The following MS4A4E variants were observed in gnomAD, a reference collection of about 807,000 sequenced individuals.
MS4A4E encodes membrane spanning 4-domains A4E.
Under a neutral mutation model 13.3 loss-of-function variants are expected in MS4A4E, and 23 were observed. The observed-to-expected ratio is 1.73, with a 90% CI of 1.25 to 2.45. The LOEUF is 2.45. Ranked by LOEUF, MS4A4E falls within the 30% of genes most tolerant of loss-of-function variation. MS4A4E has a pLI of 0.00. For missense variants in MS4A4E, 144 were observed against 131.2 expected, an observed-to-expected ratio of 1.10 and a Z score of -0.48; for synonymous variants, 36 against 45.6, an observed-to-expected ratio of 0.79 and a Z score of 0.85.
rs144129034 is a variant in MS4A4E at position 60,226,038 on chromosome 11, A to G, written c.178+2556T>C. On this transcript the variant is annotated intron_variant, in intron 3 of 8. Coordinates refer to ENST00000651255, the MANE Select transcript of MS4A4E (RefSeq NM_001393391.1). ...ACTCTACGAACAATTCTGTGCCCAC[A>G]ATTTGATAACCTTGAGCCAATGAAT... Among the ~76,000 whole-genome samples, 521 of 152,104 alleles carry G rather than the reference A, an allele frequency of 3.4e-3. 1 individual carries two copies. The highest frequency in any genetic ancestry group is 8.8e-3 in the Admixed American group (134 of 15,288).
Position 60,229,988 on chromosome 11 carries a change from T to C in MS4A4E, c.68A>G (p.Asn23Ser). Residue 23 changes from asparagine to serine, a missense_variant, in exon 2 of 9, where the codon AAC becomes AGC. By Grantham distance (46) the Asn-to-Ser change is conservative. Coordinates refer to ENST00000651255, the MANE Select transcript of MS4A4E (RefSeq NM_001393391.1). ...GAGPDVPQLGNIDVIHSYLCK... is the reference protein window; with the variant it reads ...GAGPDVPQLGSIDVIHSYLCK... The stretch of plus-strand genomic sequence containing the variant: ...CAGATATGAATGTATGACATCTATG[T>C]TTCCCAGCTGGGGCACATCAGGGCC... 6.2e-7 allele frequency: 1 copy of C among 1,613,784 alleles called. No homozygotes were observed. Among genetic ancestry groups the C allele is most frequent in the African/African-American group, 1.3e-5 (1 of 75,046 alleles).
At position 60,242,822 on chromosome 11, in the gene MS4A4E, C is replaced by T. The variant is rs980210409; in HGVS notation, c.-17+136G>A. 2.5e-5 allele frequency: 14 copies of T among 571,222 alleles called. No homozygotes were observed. The South Asian group carries it at 2.9e-4, about 12-fold the overall frequency. 35.4% of individuals were successfully genotyped at this position (571,222 alleles called of 1,614,324 possible). A position where few individuals can be genotyped will look rare whatever the true frequency, so the allele number is the denominator to read the frequency against. ...TATTTAAATGTGCACTCAATCCACC[C>T]CAACCCTGACTACCAGCTTGGGTCA... On this transcript the variant is annotated intron_variant, in intron 1 of 8. Transcript: ENST00000651255.
At chr11:60,205,902 C>T (rs957958037) in intron 6 of MS4A4E, among the ~76,000 whole-genome samples, 82 bp from the exon 7 acceptor site, 1 of 152,058 alleles carries the variant, frequency 6.6e-6, no homozygotes, top group African/African-American at 2.4e-5. Context: ...ACAGGATACA[C>T]ATTTGATTAA....
intron 1 of MS4A4E, among the ~76,000 whole-genome samples, chr11:60,242,412 C>T (rs140791141): frequency 1.3e-5 from 2 of 152,278 alleles, no homozygotes; most frequent in East Asian, 1.9e-4. Context: ...CTGGGTGCCA[C>T]ATGAATAGTG....
At chr11:60,217,197 T>C (rs766862131) in intron 3 of MS4A4E, among the ~76,000 whole-genome samples, 39 of 152,264 alleles carry the variant, frequency 2.6e-4, no homozygotes, top group Admixed American at 6.5e-4. Context: ...TTATCTTCTG[T>C]AGAGAAAGAG....
Position 60,214,093 on chromosome 11 carries a change from A to G in MS4A4E, c.222+478T>C, listed in dbSNP as rs2084160233. Among the ~76,000 whole-genome samples, 7 of 152,146 alleles carry G rather than the reference A, an allele frequency of 4.6e-5. No homozygotes were observed. In the South Asian group the frequency reaches 1.5e-3, roughly 32 times the overall value. The stretch of plus-strand genomic sequence containing the variant: ...TAATTTTTTTGTATTTTTAGTAGAG[A>G]AGGGGTTTCACCATGTTGGCCAGGC... On this transcript the variant is annotated intron_variant, in intron 4 of 8. Transcript: ENST00000651255.
chr11:60,212,121 A>G (rs2084130148), intron 5 of MS4A4E, among the ~76,000 whole-genome samples: 2 of 152,140 alleles, frequency 1.3e-5, no homozygotes, highest in Admixed American at 1.3e-4. Context: ...TGAAATAAGG[A>G]CAACTGGTAC....
intron 1 of MS4A4E, among the ~76,000 whole-genome samples, chr11:60,231,169 A>G (rs1035153105): frequency 6.6e-6 from 1 of 152,152 alleles, no homozygotes; most frequent in African/African-American, 2.4e-5. Context: ...TAGAGGGGAA[A>G]AGTTAAAATG....
At chr11:60,230,998 A>C (rs539665933) in intron 1 of MS4A4E, among the ~76,000 whole-genome samples, 6 of 152,280 alleles carry the variant, frequency 3.9e-5, no homozygotes, top group South Asian at 2.1e-4. Flanking sequence ...AAAAAAAGTT[A>C]TTGTAGTCCA....
At chr11:60,237,976 A>G (rs2084505356) in intron 1 of MS4A4E, among the ~76,000 whole-genome samples, 1 of 151,788 alleles carries the variant, frequency 6.6e-6, no homozygotes. Context: ...CTATTAATGC[A>G]TTATGTAACA....
chr11:60,242,207 T>C (rs1236681417), intron 1 of MS4A4E, among the ~76,000 whole-genome samples: 1 of 152,214 alleles, frequency 6.6e-6, no homozygotes, highest in Non-Finnish European at 1.5e-5. Context: ...CTGGGTTTTT[T>C]GCTCCTAGCC....
chr11:60,225,539 A>G (rs1353198965), intron 3 of MS4A4E, among the ~76,000 whole-genome samples: 1 of 152,252 alleles, frequency 6.6e-6, no homozygotes, highest in Non-Finnish European at 1.5e-5. Flanking sequence ...GCCTGAGGAC[A>G]TGAACATGAG....
intron 1 of MS4A4E, among the ~76,000 whole-genome samples, chr11:60,232,616 A>C (rs548884013): frequency 3.8e-4 from 58 of 152,042 alleles, no homozygotes; most frequent in African/African-American, 1.3e-3. Flanking sequence ...ACAGGCTCTG[A>C]GCTCAGCTGA....
Position 60,201,300 on chromosome 11 carries a change from ACCTC to A in MS4A4E, c.*239_*242del, listed in dbSNP as rs1449753700. ...GCTGGCCTGGCGGGGGCTGACCCCCACCTCCCTCCCGGACGGGGTGGCTGCCTGG... is the reference window on the plus strand; with the variant it reads ...GCTGGCCTGGCGGGGGCTGACCCCCACCTCCCGGACGGGGTGGCTGCCTGG... On this transcript the variant is annotated 3_prime_UTR_variant, in exon 9 of 9. Transcript: ENST00000651255. 3 of 152,026 alleles carry A rather than the reference ACCTC, an allele frequency of 2.0e-5. No individual in the cohort carries two copies. Among genetic ancestry groups the A allele is most frequent in the Non-Finnish European group, 4.2e-5 (3 of 72,208 alleles). The allele number at this position is 152,026 out of a possible 1,614,324, so 9.4% of individuals were successfully genotyped here.
At chr11:60,213,905 C>CTTT (rs370255031) in intron 4 of MS4A4E, among the ~76,000 whole-genome samples, 3 of 146,522 alleles carry the variant, frequency 2.0e-5, no homozygotes, top group Non-Finnish European at 4.5e-5. Context: ...TTGGAATCTA[C>CTTT]TTTTTTTTTT....
At chr11:60,237,922 A>G (rs1248234404) in intron 1 of MS4A4E, among the ~76,000 whole-genome samples, 1 of 151,944 alleles carries the variant, frequency 6.6e-6, no homozygotes, top group Non-Finnish European at 1.5e-5. Context: ...TTTTTAATCT[A>G]TTGAGGCATT....
intron 3 of MS4A4E, chr11:60,224,993 A>G (rs2134953720): frequency 6.5e-7 from 1 of 1,537,456 alleles, no homozygotes. Flanking sequence ...TGTGTACGCA[A>G]CATACACAAA....
intron 3 of MS4A4E, among the ~76,000 whole-genome samples, chr11:60,215,123 G>A (rs1322527441): frequency 6.6e-6 from 1 of 151,972 alleles, no homozygotes; most frequent in Non-Finnish European, 1.5e-5. Context: ...AATCAAGTTG[G>A]TTGGACTCTC....
intron 3 of MS4A4E, among the ~76,000 whole-genome samples, chr11:60,220,104 A>G (rs2084249849): frequency 6.6e-6 from 1 of 152,210 alleles, no homozygotes; most frequent in Non-Finnish European, 1.5e-5. Flanking sequence ...TAAATCAACA[A>G]CAATATCCCA....
Sources: gnomAD v4.1 joint callset for allele counts (sites outside exome capture counted in the v4.1 genomes callset) on GRCh38, gnomAD v4.1.1 for gene constraint, MANE v1.5 for transcripts, NCBI Gene and HGNC (gene_info 2026-07-23, HGNC 2026-07-21) for gene names.